Variants in AIG1 observed in about 807,000 individuals in gnomAD.
AIG1 encodes the protein androgen-induced gene 1 protein.
In AIG1, 23 loss-of-function variants were observed where a neutral mutation model predicts 31.4. The observed-to-expected ratio is 0.73, with a 90% CI of 0.53 to 1.04. The LOEUF (loss-of-function observed/expected upper bound fraction) is 1.04. AIG1 is among the 50% of genes least tolerant of loss of function. AIG1 has a pLI of 0.00. For synonymous variants in AIG1, 100 were observed against 110.5 expected, an observed-to-expected ratio of 0.90 and a Z score of 0.60; for missense variants, 274 against 295.0, an observed-to-expected ratio of 0.93 and a Z score of 0.52.
chr6:143,205,937 C>T (rs756193081), intron 3 of AIG1, among the ~76,000 whole-genome samples: 1 of 152,130 alleles, frequency 6.6e-6, no homozygotes, highest in African/African-American at 2.4e-5. Context: ...ATGGAAATAC[C>T]GTGTAATTGT....
chr6:143,220,922 T>C (rs1189874982), intron 3 of AIG1, among the ~76,000 whole-genome samples: 3 of 152,202 alleles, frequency 2.0e-5, no homozygotes, highest in African/African-American at 7.2e-5. Context: ...AGTGAATCTC[T>C]TCTAGCTGCC....
intron 3 of AIG1, among the ~76,000 whole-genome samples, chr6:143,214,116 C>G (rs542051790): frequency 2.0e-5 from 3 of 152,262 alleles, no homozygotes; most frequent in African/African-American, 7.2e-5. Flanking sequence ...GATAACTTGC[C>G]TCATAAAGTA....
chr6:143,295,022 C>A (rs142899057), intron 4 of AIG1, among the ~76,000 whole-genome samples: 1 of 152,172 alleles, frequency 6.6e-6, no homozygotes, highest in Non-Finnish European at 1.5e-5. Flanking sequence ...TATCTACTCA[C>A]TTAGCAACTG....
rs529713609 is a variant in AIG1, at chr6:143,081,134, TAGTA to T, written c.141+20071_141+20074del. Among the ~76,000 whole-genome samples, 4 of 152,286 alleles carry T rather than the reference TAGTA, an allele frequency of 2.6e-5. No homozygotes were observed. In the South Asian group the frequency reaches 8.3e-4, roughly 32 times the overall value. ...CTTTTTGGGGACAGTTTCGGATTCTTAGTAAGGCTATAGGCAACAGAGCAGGCCA... is the reference window on the plus strand; with the variant it reads ...CTTTTTGGGGACAGTTTCGGATTCTTAGGCTATAGGCAACAGAGCAGGCCA... On this transcript the variant is annotated intron_variant, in intron 1 of 5. Transcript: ENST00000357847.
intron 3 of AIG1, chr6:143,189,439 G>A: frequency 1.0e-6 from 1 of 981,982 alleles, no homozygotes; most frequent in Non-Finnish European, 1.2e-6. Context: ...TTGCAAAATA[G>A]TTTTTTAATA....
intron 3 of AIG1, among the ~76,000 whole-genome samples, chr6:143,219,120 C>T (rs1792261079): frequency 6.6e-6 from 1 of 152,184 alleles, no homozygotes; most frequent in Non-Finnish European, 1.5e-5. Context: ...TGAAAGGGAA[C>T]ACATACTGGT....
rs752559467 is a variant in AIG1 at position 143,221,439 on chromosome 6, G to T, written c.399+56256G>T. On this transcript the variant is annotated intron_variant, in intron 3 of 5. Coordinates refer to ENST00000357847, the MANE Select transcript of AIG1 (RefSeq NM_016108.4). Reference sequence around the variant, plus strand: ...TCCAAACTACACTGTGGTCTCTGTGGTCTTTGCTGGTGGCAACTGGGGATC... The same window carrying T: ...TCCAAACTACACTGTGGTCTCTGTGTTCTTTGCTGGTGGCAACTGGGGATC... Among the ~76,000 whole-genome samples the T allele has an allele frequency of 1.1e-4, 16 of 151,626 alleles. 1 individual carries two copies. The highest frequency in any genetic ancestry group is 2.2e-4 in the Non-Finnish European group (15 of 67,934).
chr6:143,214,876 C>T (rs941399453), intron 3 of AIG1, among the ~76,000 whole-genome samples: 1 of 152,202 alleles, frequency 6.6e-6, no homozygotes, highest in Non-Finnish European at 1.5e-5. Flanking sequence ...TCCCTACAAA[C>T]TCATCCCAAC....
At chr6:143,096,750 C>T (rs2128480406) in intron 1 of AIG1, among the ~76,000 whole-genome samples, 1 of 152,248 alleles carries the variant, frequency 6.6e-6, no homozygotes, top group Middle Eastern at 3.4e-3. Context: ...CTTAATGACG[C>T]TTCTGTCTTT....
At chr6:143,311,743 TAGAG>T (rs1318284416) in intron 4 of AIG1, among the ~76,000 whole-genome samples, 4 of 151,786 alleles carry the variant, frequency 2.6e-5, no homozygotes, top group Non-Finnish European at 5.9e-5. Context: ...GAGAAAGAAA[TAGAG>T]AGCATCCAAA....
chr6:143,063,567 C>A (rs1262124480), intron 1 of AIG1, among the ~76,000 whole-genome samples: 1 of 152,162 alleles, frequency 6.6e-6, no homozygotes, highest in African/African-American at 2.4e-5. Context: ...AATGATTAGG[C>A]TACTATAATT....
chr6:143,142,026 C>T (rs1482632653), intron 2 of AIG1, among the ~76,000 whole-genome samples: 1 of 151,988 alleles, frequency 6.6e-6, no homozygotes, highest in African/African-American at 2.4e-5. Context: ...ACCAAAGCAG[C>T]CGTTTAATGA....
intron 3 of AIG1, among the ~76,000 whole-genome samples, chr6:143,264,661 G>A (rs1351264814): frequency 6.6e-6 from 1 of 152,226 alleles, no homozygotes; most frequent in African/African-American, 2.4e-5. Flanking sequence ...CACTGAGCCA[G>A]AATCTCACAA....
intron 1 of AIG1, among the ~76,000 whole-genome samples, chr6:143,100,666 A>G (rs987463832): frequency 6.6e-6 from 1 of 151,936 alleles, no homozygotes; most frequent in Non-Finnish European, 1.5e-5. Flanking sequence ...AGATAGTAAT[A>G]TAGTCATACT....
intron 1 of AIG1, among the ~76,000 whole-genome samples, chr6:143,061,933 A>T (rs1407320023): frequency 6.6e-6 from 1 of 152,250 alleles, no homozygotes; most frequent in Non-Finnish European, 1.5e-5. Context: ...GGTGACTAAG[A>T]CACACGCTAA....
chr6:143,221,386 C>T (rs1202000920), intron 3 of AIG1, among the ~76,000 whole-genome samples: 1 of 151,838 alleles, frequency 6.6e-6, no homozygotes, highest in African/African-American at 2.4e-5. Flanking sequence ...TCTCTGGCTT[C>T]AACTTTTGGC....
intron 1 of AIG1, among the ~76,000 whole-genome samples, chr6:143,071,346 T>C (rs1201843934): frequency 6.6e-6 from 1 of 152,248 alleles, no homozygotes; most frequent in Non-Finnish European, 1.5e-5. Context: ...TTAAGGGATA[T>C]CTGGATTGTT....
intron 4 of AIG1, among the ~76,000 whole-genome samples, chr6:143,305,370 A>G (rs1487212499): frequency 3.9e-5 from 6 of 152,016 alleles, no homozygotes; most frequent in African/African-American, 1.5e-4. Context: ...TTAGTGCTAT[A>G]AATTTCCCTC....
At chr6:143,155,171 G>A (rs1785621501) in intron 2 of AIG1, among the ~76,000 whole-genome samples, 1 of 152,014 alleles carries the variant, frequency 6.6e-6, no homozygotes, top group Non-Finnish European at 1.5e-5. Flanking sequence ...AAAATATAAG[G>A]CACGAAAAGA....
Sources: gnomAD v4.1 joint callset for allele counts (sites outside exome capture counted in the v4.1 genomes callset) on GRCh38, gnomAD v4.1.1 for gene constraint, MANE v1.5 for transcripts, NCBI Gene and HGNC (gene_info 2026-07-23, HGNC 2026-07-21) for gene names.